MPZL1: variants seen among roughly 807,000 people sequenced by gnomAD.
MPZL1 encodes myelin protein zero-like protein 1.
MPZL1 carries 16 observed loss-of-function variants against 29.3 expected under a neutral mutation model. That is an observed-to-expected ratio of 0.55 (90% CI 0.37 to 0.83). The LOEUF (loss-of-function observed/expected upper bound fraction) is 0.83. MPZL1 is among the 40% of genes least tolerant of loss of function. The probability of loss-of-function intolerance (pLI) is 0.00; values close to 1 mark genes in which losing one functional copy is unlikely to be tolerated. For missense variants in MPZL1, 279 were observed against 332.9 expected, an observed-to-expected ratio of 0.84 and a Z score of 1.26; for synonymous variants, 143 against 132.0, an observed-to-expected ratio of 1.08 and a Z score of -0.57.
chr1:167,740,544 T>C (rs1407378988), intron 1 of MPZL1, among the ~76,000 whole-genome samples: 1 of 152,216 alleles, frequency 6.6e-6, no homozygotes, highest in Non-Finnish European at 1.5e-5. Context: ...CGCCACCTTT[T>C]CAGGGTCTTT....
chr1:167,755,737 T>C (rs545202144), intron 1 of MPZL1, among the ~76,000 whole-genome samples: 19 of 152,330 alleles, frequency 1.2e-4, no homozygotes, highest in Non-Finnish European at 2.2e-4. Context: ...GAAAGTCTCC[T>C]AATAGCACTT....
chr1:167,773,462 T>G, intron 4 of MPZL1, 94 bp downstream of exon 4: 1 of 1,371,884 alleles, frequency 7.3e-7, no homozygotes, highest in Non-Finnish European at 9.8e-7. Flanking sequence ...TTTTAAAGAA[T>G]TAACTACTAT....
At chr1:167,744,455 G>A (rs1048132318) in intron 1 of MPZL1, among the ~76,000 whole-genome samples, 5 of 152,054 alleles carry the variant, frequency 3.3e-5, no homozygotes, top group South Asian at 2.1e-4. Context: ...AGGCCAAGAC[G>A]GGTGGATCAC....
At chr1:167,730,397 G>A (rs1364063926) in intron 1 of MPZL1, among the ~76,000 whole-genome samples, 3 of 152,010 alleles carry the variant, frequency 2.0e-5, no homozygotes. Context: ...TCCCACCTCA[G>A]CCTTCCTAAT....
rs573675766 is a variant in MPZL1 at position 167,788,122 on chromosome 1, G to A, written c.*201G>A. 3.6e-5 allele frequency: 18 copies of A among 502,108 alleles called. No homozygotes were observed. The highest frequency in any genetic ancestry group is 2.5e-4 in the African/African-American group (13 of 51,304). 31.1% of individuals were successfully genotyped at this position (502,108 alleles called of 1,614,324 possible). A position where few individuals can be genotyped will look rare whatever the true frequency, so the allele number is the denominator to read the frequency against. ...CATCCTGATATGAGGAGCCAGTGTTGCATGATGAAAAGATGGTATGATTCT... is the reference window on the plus strand; with the variant it reads ...CATCCTGATATGAGGAGCCAGTGTTACATGATGAAAAGATGGTATGATTCT... On this transcript the variant is annotated 3_prime_UTR_variant, in exon 6 of 6. Transcript: ENST00000359523.
Position 167,744,683 on chromosome 1 carries a change from C to CAAAAAAAA in MPZL1, c.92-20890_92-20883dup, listed in dbSNP as rs3075159. On this transcript the variant is annotated intron_variant, in intron 1 of 5. Coordinates refer to ENST00000359523, the MANE Select transcript of MPZL1 (RefSeq NM_003953.6). ...TGGGCGAAAGAGCGAAACTCAGTCT[C>CAAAAAAAA]AAAAAAAAAAAAAAAAAGAACCTCC... 4.7e-5 allele frequency among the ~76,000 whole-genome samples: 6 copies of CAAAAAAAA among 126,920 alleles called. 1 individual carries two copies. The South Asian group carries it at 1.1e-3, about 22-fold the overall frequency. The allele number at this position is 126,920 out of a possible 152,430, so 83.3% of individuals were successfully genotyped here. A position where few individuals can be genotyped will look rare whatever the true frequency, so the allele number is the denominator to read the frequency against.
At chr1:167,755,868 T>C (rs1558117034) in intron 1 of MPZL1, among the ~76,000 whole-genome samples, 1 of 152,070 alleles carries the variant, frequency 6.6e-6, no homozygotes, top group Non-Finnish European at 1.5e-5. Context: ...TTTGAAAGAA[T>C]GAATGGTTGA....
rs549102209 is a variant in MPZL1 at position 167,755,226 on chromosome 1, T to C, written c.92-10357T>C. Among the ~76,000 whole-genome samples, 5 of 152,336 alleles carry C rather than the reference T, an allele frequency of 3.3e-5. No individual in the cohort carries two copies. The East Asian group carries it at 9.6e-4, about 29-fold the overall frequency. ...TGTATTTTGGAGGAGAGGAATATAT[T>C]CTTATTGCCATCGACCGTAGGCGTA... On this transcript the variant is annotated intron_variant, in intron 1 of 5. Transcript: ENST00000359523.
chr1:167,748,731 A>G (rs1660700000), intron 1 of MPZL1, among the ~76,000 whole-genome samples: 1 of 152,098 alleles, frequency 6.6e-6, no homozygotes, highest in African/African-American at 2.4e-5. Flanking sequence ...GTTTTTTTCT[A>G]AGGGTTTTAT....
intron 4 of MPZL1, among the ~76,000 whole-genome samples, chr1:167,774,334 C>T (rs1444117275): frequency 6.6e-6 from 1 of 152,164 alleles, no homozygotes; most frequent in African/African-American, 2.4e-5. Context: ...TTTAGCCATC[C>T]TGAAGGGACT....
chr1:167,772,147 G>A, intron 2 of MPZL1, 128 bp from the exon 3 acceptor site: 3 of 744,522 alleles, frequency 4.0e-6, no homozygotes, highest in Non-Finnish European at 6.7e-6. Context: ...GGGAGAGGGA[G>A]AGGGAGAGAG....
At chr1:167,728,428 G>A (rs997346721) in intron 1 of MPZL1, among the ~76,000 whole-genome samples, 25 of 133,258 alleles carry the variant, frequency 1.9e-4, no homozygotes, top group Admixed American at 2.5e-4. Flanking sequence ...GGCTGGTCTC[G>A]AACTCCTGAC....
intron 1 of MPZL1, among the ~76,000 whole-genome samples, chr1:167,749,737 C>G (rs1490029179): frequency 6.6e-6 from 1 of 152,058 alleles, no homozygotes; most frequent in Admixed American, 6.6e-5. Context: ...AGTTACTTTC[C>G]TTTTTTGGGC....
At chr1:167,754,457 G>T (rs1297189340) in intron 1 of MPZL1, among the ~76,000 whole-genome samples, 1 of 152,194 alleles carries the variant, frequency 6.6e-6, no homozygotes, top group African/African-American at 2.4e-5. Context: ...TGTTAACTCA[G>T]GCTGCCAGTG....
At chr1:167,770,704 A>G (rs1387211955) in intron 2 of MPZL1, among the ~76,000 whole-genome samples, 1 of 152,206 alleles carries the variant, frequency 6.6e-6, no homozygotes, top group Admixed American at 6.5e-5. Flanking sequence ...ACTGGGCTCA[A>G]TCATGGTGTT....
chr1:167,726,278 C>T (rs937126623), intron 1 of MPZL1, among the ~76,000 whole-genome samples: 3 of 152,220 alleles, frequency 2.0e-5, no homozygotes, highest in African/African-American at 7.2e-5. Flanking sequence ...AGAGAGGCCT[C>T]TCTGACCACC....
intron 1 of MPZL1, among the ~76,000 whole-genome samples, chr1:167,739,446 T>A (rs1156426573): frequency 6.6e-6 from 1 of 151,306 alleles, no homozygotes; most frequent in Non-Finnish European, 1.5e-5. Context: ...GTGTGCAGAG[T>A]GTTACCATGC....
intron 1 of MPZL1, among the ~76,000 whole-genome samples, chr1:167,724,388 G>A (rs1660099784): frequency 2.0e-5 from 3 of 152,224 alleles, no homozygotes; most frequent in Admixed American, 1.3e-4. Flanking sequence ...ATTGAGATGT[G>A]AAGGATGGGT....
Position 167,789,916 on chromosome 1 carries a change from C to A in MPZL1, c.*1995C>A, listed in dbSNP as rs1015310760. ...AACTATAGGAGCCTTTGGAAGGCCT[C>A]TTATGTTTGGAGGGGAAGGGTGTTG... On this transcript the variant is annotated 3_prime_UTR_variant, in exon 6 of 6. Coordinates refer to ENST00000359523, the MANE Select transcript of MPZL1 (RefSeq NM_003953.6). 1 of 152,096 alleles carries A rather than the reference C, an allele frequency of 6.6e-6. No homozygotes were observed. The highest frequency in any genetic ancestry group is 1.9e-4 in the East Asian group (1 of 5,182). The allele number at this position is 152,096 out of a possible 1,614,324, so 9.4% of individuals were successfully genotyped here. A position where few individuals can be genotyped will look rare whatever the true frequency, so the allele number is the denominator to read the frequency against.
Sources: gnomAD v4.1 joint callset for allele counts (sites outside exome capture counted in the v4.1 genomes callset) on GRCh38, gnomAD v4.1.1 for gene constraint, MANE v1.5 for transcripts, NCBI Gene and HGNC (gene_info 2026-07-23, HGNC 2026-07-21) for gene names.